OR9Q1: variants seen among roughly 807,000 people sequenced by gnomAD.
OR9Q1 encodes olfactory receptor family 9 subfamily Q member 1.
For synonymous variants in OR9Q1, 153 were observed against 148.6 expected (o/e 1.03, Z -0.22); for missense variants, 374 against 378.8 (o/e 0.99, Z 0.11).
At chr11:58,153,109 A>G (rs1023524195) in intron 2 of OR9Q1, among the ~76,000 whole-genome samples, 13 of 152,216 alleles carry the variant, frequency 8.5e-5, no homozygotes, top group Non-Finnish European at 1.6e-4. Context: ...AGAAACCTTT[A>G]TTTCTGGATT....
chr11:58,098,654 AAAT>A (rs1032527319), intron 2 of OR9Q1, among the ~76,000 whole-genome samples: 2 of 152,180 alleles, frequency 1.3e-5, no homozygotes. Flanking sequence ...ATAAATAAAT[AAAT>A]AATCTATTTT....
chr11:58,139,028 A>G (rs140223118), intron 2 of OR9Q1, among the ~76,000 whole-genome samples: 4 of 152,270 alleles, frequency 2.6e-5, no homozygotes, highest in African/African-American at 9.6e-5. Flanking sequence ...AGAAAGACAA[A>G]GCAGGGGTGG....
chr11:58,024,710 A>C (rs1028087099), intron 1 of OR9Q1, among the ~76,000 whole-genome samples: 1 of 152,020 alleles, frequency 6.6e-6, no homozygotes, highest in Non-Finnish European at 1.5e-5. Flanking sequence ...CCTGCATGGC[A>C]CTTGGTGGAT....
At chr11:58,098,404 A>G (rs1853752096) in intron 2 of OR9Q1, among the ~76,000 whole-genome samples, 1 of 152,182 alleles carries the variant, frequency 6.6e-6, no homozygotes, top group Non-Finnish European at 1.5e-5. Flanking sequence ...AATATCTCAT[A>G]TTTTATGATA....
At position 58,180,601 on chromosome 11, in the gene OR9Q1, A is replaced by C; in HGVS notation, c.*224A>C. 2.5e-6 allele frequency: 1 copy of C among 399,294 alleles called. No homozygotes were observed. The highest frequency in any genetic ancestry group is 2.0e-5 in the African/African-American group (1 of 48,916). The allele number at this position is 399,294 out of a possible 1,614,324, so 24.7% of individuals were successfully genotyped here. A position where few individuals can be genotyped will look rare whatever the true frequency, so the allele number is the denominator to read the frequency against. On this transcript the variant is annotated 3_prime_UTR_variant, in exon 3 of 3. Coordinates refer to ENST00000335397, the MANE Select transcript of OR9Q1 (RefSeq NM_001005212.4). ...TTTGATTCCCAGGACAAGTGACAAA[A>C]GGATTTGAAATTAAAGCCTGTGCAA...
At chr11:58,039,572 A>G (rs1383218717) in intron 1 of OR9Q1, among the ~76,000 whole-genome samples, 2 of 152,180 alleles carry the variant, frequency 1.3e-5, no homozygotes, top group African/African-American at 2.4e-5. Flanking sequence ...TCACACTCTC[A>G]TGGAAGTGGA....
intron 2 of OR9Q1, among the ~76,000 whole-genome samples, chr11:58,106,802 A>C (rs1199727108): frequency 6.6e-6 from 1 of 152,126 alleles, no homozygotes; most frequent in Non-Finnish European, 1.5e-5. Flanking sequence ...TCAGTTGACC[A>C]TATATGTGAG....
At chr11:58,171,436 C>T (rs1217456728) in intron 2 of OR9Q1, 1 of 152,230 alleles carries the variant, frequency 6.6e-6, no homozygotes, top group Non-Finnish European at 1.5e-5. Flanking sequence ...TGTTCTCTGA[C>T]TTGTTCATCA....
intron 2 of OR9Q1, among the ~76,000 whole-genome samples, chr11:58,160,535 C>G (rs1214280298): frequency 6.6e-6 from 1 of 152,090 alleles, no homozygotes; most frequent in Non-Finnish European, 1.5e-5. Context: ...TCATAGCTCA[C>G]TGTAACCTCA....
intron 2 of OR9Q1, among the ~76,000 whole-genome samples, chr11:58,086,040 A>G (rs191484380): frequency 2.0e-5 from 3 of 152,070 alleles, no homozygotes; most frequent in Admixed American, 2.0e-4. Context: ...GAGCTTCAGG[A>G]GGAATCATGC....
chr11:58,068,451 C>T (rs1853454126), intron 2 of OR9Q1, among the ~76,000 whole-genome samples: 1 of 152,136 alleles, frequency 6.6e-6, no homozygotes, highest in African/African-American at 2.4e-5. Context: ...CACAGCAACC[C>T]TCCAACAGCC....
At chr11:58,099,156 T>A (rs1313870936) in intron 2 of OR9Q1, among the ~76,000 whole-genome samples, 1 of 151,726 alleles carries the variant, frequency 6.6e-6, no homozygotes, top group East Asian at 1.9e-4. Flanking sequence ...TGGTTTGGGA[T>A]GTAGCATTTC....
At chr11:58,103,610 A>G (rs1421819169) in intron 2 of OR9Q1, among the ~76,000 whole-genome samples, 1 of 152,100 alleles carries the variant, frequency 6.6e-6, no homozygotes, top group Non-Finnish European at 1.5e-5. Context: ...AGATCTGCTA[A>G]GGGAAAATTA....
intron 1 of OR9Q1, chr11:58,044,664 C>T (rs1017988612): frequency 6.6e-6 from 1 of 152,154 alleles, no homozygotes; most frequent in Non-Finnish European, 1.5e-5. Context: ...CCATTTCTTG[C>T]TCAGATAATT....
chr11:58,159,835 T>C (rs1346039462), intron 2 of OR9Q1, among the ~76,000 whole-genome samples: 1 of 152,206 alleles, frequency 6.6e-6, no homozygotes. Context: ...TAAAAGATAC[T>C]CATACCAAAT....
intron 2 of OR9Q1, among the ~76,000 whole-genome samples, chr11:58,094,031 A>G (rs1010165135): frequency 5.3e-5 from 8 of 152,196 alleles, no homozygotes; most frequent in African/African-American, 1.7e-4. Flanking sequence ...AAACAAAGCT[A>G]TGGAATAAAC....
intron 2 of OR9Q1, among the ~76,000 whole-genome samples, chr11:58,120,666 C>T (rs913209537): frequency 1.3e-5 from 2 of 151,280 alleles, no homozygotes; most frequent in African/African-American, 4.9e-5. Flanking sequence ...ATGTTGGCTA[C>T]TTTTGTTGTT....
At chr11:58,107,190 G>A (rs575424639) in intron 2 of OR9Q1, among the ~76,000 whole-genome samples, 3 of 151,840 alleles carry the variant, frequency 2.0e-5, no homozygotes, top group African/African-American at 7.3e-5. Flanking sequence ...GTATATATGT[G>A]CCATGTTGGT....
At chr11:58,132,004 A>T (rs184611220) in intron 2 of OR9Q1, among the ~76,000 whole-genome samples, 2 of 152,294 alleles carry the variant, frequency 1.3e-5, no homozygotes, top group East Asian at 3.9e-4. Flanking sequence ...TTTTGCACCA[A>T]CCGAATGCTA....
Sources: allele counts gnomAD v4.1 joint callset (sites outside exome capture counted in the v4.1 genomes callset), GRCh38; gene constraint gnomAD v4.1.1; transcripts MANE v1.5; gene names NCBI Gene and HGNC (gene_info 2026-07-23, HGNC 2026-07-21).